The following NPC1 variants were observed in gnomAD, a reference collection of about 807,000 sequenced individuals.
The protein encoded by NPC1 is Niemann-Pick C1 protein.
Under a neutral mutation model 140.4 loss-of-function variants are expected in NPC1, and 85 were observed. The ratio of observed to expected loss-of-function variants is 0.61; its 90% CI spans 0.51 to 0.72. NPC1 has a LOEUF of 0.72. Among genes scored for constraint, NPC1 ranks in the 30% least tolerant of loss-of-function variants. The probability of loss-of-function intolerance (pLI) is 0.00; values close to 1 mark genes in which losing one functional copy is unlikely to be tolerated. For synonymous variants in NPC1, 656 were observed against 624.8 expected (o/e 1.05, Z -0.74); for missense variants, 1,504 against 1,623.8 (o/e 0.93, Z 1.27).
At chr18:23,549,486 G>C (rs2058835980) in intron 10 of NPC1, among the ~76,000 whole-genome samples, 1 of 151,786 alleles carries the variant, frequency 6.6e-6, no homozygotes, top group South Asian at 2.1e-4. Context: ...AAAAATACAA[G>C]AAATTAGCTG....
chr18:23,563,987 G>GTTTTTTTTT lies in NPC1; in HGVS notation c.464-2469_464-2461dup, dbSNP rs71163619. 1.1e-4 allele frequency among the ~76,000 whole-genome samples: 11 copies of GTTTTTTTTT among 102,582 alleles called. 1 individual carries two copies. The highest frequency in any genetic ancestry group is 2.8e-4 in the African/African-American group (7 of 24,616). The allele number at this position is 102,582 out of a possible 152,430, so 67.3% of individuals were successfully genotyped here. A position where few individuals can be genotyped will look rare whatever the true frequency, so the allele number is the denominator to read the frequency against. ...ATTTATTTATCATTGAGTAGTAAGA[G>GTTTTTTTTT]TTTTTTTTTTTTTTTTTTGGAGATG... On this transcript the variant is annotated intron_variant, in intron 4 of 24. Coordinates refer to ENST00000269228, the MANE Select transcript of NPC1 (RefSeq NM_000271.5).
At chr18:23,573,817 TTGA>T (rs1331471139) in intron 1 of NPC1, among the ~76,000 whole-genome samples, 1 of 152,214 alleles carries the variant, frequency 6.6e-6, no homozygotes, top group Non-Finnish European at 1.5e-5. Flanking sequence ...TGCTTATTTG[TTGA>T]TAAGAGGAAG....
At chr18:23,556,717 G>T in intron 7 of NPC1, 104 bp from the exon 8 acceptor site, 1 of 1,538,292 alleles carries the variant, frequency 6.5e-7, no homozygotes, top group Non-Finnish European at 8.8e-7. Context: ...CAGGAATCAA[G>T]CCCACCTGGG....
At chr18:23,553,247 A>G (rs2058900524) in intron 9 of NPC1, among the ~76,000 whole-genome samples, 1 of 152,266 alleles carries the variant, frequency 6.6e-6, no homozygotes, top group Non-Finnish European at 1.5e-5. Flanking sequence ...TGCCACAGAG[A>G]GTAAACTATA....
At chr18:23,577,413 C>A (rs568900205) in intron 1 of NPC1, among the ~76,000 whole-genome samples, 2 of 150,844 alleles carry the variant, frequency 1.3e-5, no homozygotes, top group African/African-American at 2.4e-5. Flanking sequence ...AGGTTCTCCA[C>A]GTCCTCACCA....
downstream of NPC1, chr18:23,526,817 C>T (rs1418157432): frequency 3.1e-6 from 5 of 1,591,456 alleles, no homozygotes; most frequent in East Asian, 6.7e-5. Flanking sequence ...GCCTGTGCTG[C>T]CCAACACTTT....
intron 18 of NPC1, 35 bp downstream of exon 18, chr18:23,539,776 G>A (rs548443114): frequency 7.8e-5 from 126 of 1,605,230 alleles, no homozygotes; most frequent in Non-Finnish European, 1.0e-4. Flanking sequence ...AGCCTCCTCC[G>A]CTGCTTCTGA....
chr18:23,519,190 G>A (rs780086506), downstream of NPC1: 188 of 1,605,576 alleles, frequency 1.2e-4, no homozygotes, highest in South Asian at 2.7e-4. Context: ...AGCTGTCTGC[G>A]TTTCTACCAA....
At chr18:23,516,369 C>T (rs374149112) in intron 3 of NPC1, 109 of 1,614,102 alleles carry the variant, frequency 6.8e-5, no homozygotes, top group Non-Finnish European at 8.1e-5. Context: ...TTACCAGCTG[C>T]GCCTAAGTCA....
chr18:23,538,677 G>A lies in NPC1; in HGVS notation c.2912-6C>T, dbSNP rs768256586. 7.4e-6 allele frequency: 12 copies of A among 1,613,926 alleles called. 1 individual carries two copies. The South Asian group carries it at 8.8e-5, about 12-fold the overall frequency. The stretch of plus-strand genomic sequence containing the variant: ...AACGCAGGCAGGGTCAACCACTGGC[G>A]GAGACATGCAGGGAGGACTGTTAGA... On this transcript the variant is annotated splice_region_variant and splice_polypyrimidine_tract_variant and intron_variant, in intron 19 of 24. Transcript: ENST00000269228.
At chr18:23,539,271 CTGAGG>C in intron 19 of NPC1, 79 bp downstream of exon 19, 2 of 902,250 alleles carry the variant, frequency 2.2e-6, no homozygotes, top group Non-Finnish European at 1.8e-6. Flanking sequence ...TAGGTATAAA[CTGAGG>C]CACGATGCAA....
downstream of NPC1, among the ~76,000 whole-genome samples, chr18:23,525,613 CG>C (rs2058275800): frequency 1.3e-5 from 2 of 152,100 alleles, no homozygotes; most frequent in South Asian, 4.2e-4. Context: ...TTAGTAGATA[CG>C]GGGTTTCACC....
intron 5 of NPC1, among the ~76,000 whole-genome samples, chr18:23,560,838 T>C (rs1347735572): frequency 6.6e-6 from 1 of 152,214 alleles, no homozygotes; most frequent in Non-Finnish European, 1.5e-5. Flanking sequence ...CTTTCAATTA[T>C]GACAGCAATG....
At chr18:23,548,950 T>C (rs1204452664) in intron 10 of NPC1, among the ~76,000 whole-genome samples, 1 of 151,954 alleles carries the variant, frequency 6.6e-6, no homozygotes, top group Non-Finnish European at 1.5e-5. Flanking sequence ...CCACCATTGC[T>C]GGCTAATTTT....
In NPC1 at chr18:23,586,464, A is replaced by AGGCGCT. The variant is rs2059421182; in HGVS notation, c.-127_-122dup. 9.5e-6 allele frequency: 14 copies of AGGCGCT among 1,467,198 alleles called. No individual in the cohort carries two copies. The highest frequency in any genetic ancestry group is 2.7e-5 in the East Asian group (1 of 36,888). The allele number at this position is 1,467,198 out of a possible 1,614,324, so 90.9% of individuals were successfully genotyped here. On this transcript the variant is annotated 5_prime_UTR_variant, in exon 1 of 25. Coordinates refer to ENST00000269228, the MANE Select transcript of NPC1 (RefSeq NM_000271.5). ...GCAGGAGGAGCGGAGGAGCAGGAGC[A>AGGCGCT]GGCGCTGACCGCGGCAGCAGGCTGC...
chr18:23,524,479 C>T, downstream of NPC1: 2 of 1,613,960 alleles, frequency 1.2e-6, no homozygotes, highest in Non-Finnish European at 1.7e-6. Context: ...CAGCGCAAGC[C>T]AAGGTAGGTC....
chr18:23,560,695 T>C (rs999075663), intron 5 of NPC1, among the ~76,000 whole-genome samples: 1 of 152,232 alleles, frequency 6.6e-6, no homozygotes, highest in Non-Finnish European at 1.5e-5. Flanking sequence ...GGTTTGTCAC[T>C]GATAGAGGAA....
At chr18:23,521,211 T>A (rs1397235380), downstream of NPC1, among the ~76,000 whole-genome samples, 1 of 152,208 alleles carries the variant, frequency 6.6e-6, no homozygotes, top group Non-Finnish European at 1.5e-5. Flanking sequence ...AAAATTATGT[T>A]GTGAAAAAAG....
Position 23,586,379 on chromosome 18 carries a change from T to G in NPC1, c.-36A>C, listed in dbSNP as rs750622739. The G allele has an allele frequency of 2.7e-4, 409 of 1,530,734 alleles. No homozygotes were observed. The highest frequency in any genetic ancestry group is 3.2e-4 in the Non-Finnish European group (368 of 1,145,108). 94.8% of individuals were successfully genotyped at this position (1,530,734 alleles called of 1,614,324 possible). On this transcript the variant is annotated 5_prime_UTR_variant, in exon 1 of 25. Coordinates refer to ENST00000269228, the MANE Select transcript of NPC1 (RefSeq NM_000271.5). ...CGCAAGGCTGCTGACGCCGGCGGCG[T>G]TCGGCTGGTTGGGCTCCCCGGAGGC... is the stretch of plus-strand genomic sequence containing the variant.
Sources: gnomAD v4.1 joint callset for allele counts (sites outside exome capture counted in the v4.1 genomes callset) on GRCh38, gnomAD v4.1.1 for gene constraint, MANE v1.5 for transcripts, NCBI Gene and HGNC (gene_info 2026-07-23, HGNC 2026-07-21) for gene names.